ATE1: variants seen among roughly 807,000 people sequenced by gnomAD.
The protein encoded by ATE1 is arginyltransferase 1, also known as arginyl-tRNA--protein transferase 1.
ATE1 carries 36 observed loss-of-function variants against 70.5 expected under a neutral mutation model. The ratio of observed to expected loss-of-function variants is 0.51; its 90% CI spans 0.39 to 0.67. The LOEUF is 0.67. Ranked by LOEUF, ATE1 falls within the 30% of genes least tolerant of loss-of-function variation. The pLI, the probability that ATE1 is intolerant of heterozygous loss-of-function variation, is 0.00. For missense variants in ATE1, 593 were observed against 629.5 expected, an observed-to-expected ratio of 0.94 and a Z score of 0.62; for synonymous variants, 232 against 219.3, an observed-to-expected ratio of 1.06 and a Z score of -0.51.
At chr10:121,900,263 A>G (rs960055335) in intron 6 of ATE1, among the ~76,000 whole-genome samples, 2 of 152,210 alleles carry the variant, frequency 1.3e-5, no homozygotes, top group African/African-American at 4.8e-5. Flanking sequence ...TCTACTGTAA[A>G]CTGGCAGAGT....
At chr10:121,760,400 A>C (rs1944989858) in intron 11 of ATE1, among the ~76,000 whole-genome samples, 1 of 152,242 alleles carries the variant, frequency 6.6e-6, no homozygotes, top group Admixed American at 6.5e-5. Flanking sequence ...CATGGGAGGA[A>C]GTCAAACTAT....
intron 8 of ATE1, among the ~76,000 whole-genome samples, chr10:121,843,463 G>C (rs1029559479): frequency 1.3e-5 from 2 of 152,088 alleles, no homozygotes; most frequent in Admixed American, 6.5e-5. Flanking sequence ...AGAGACAAAA[G>C]TCTCAGACTA....
At chr10:121,877,146 T>C (rs903734073) in intron 7 of ATE1, among the ~76,000 whole-genome samples, 3 of 152,136 alleles carry the variant, frequency 2.0e-5, no homozygotes, top group East Asian at 1.9e-4. Flanking sequence ...TCAGAATCCT[T>C]TGCTCCTCTA....
intron 5 of ATE1, among the ~76,000 whole-genome samples, chr10:121,908,800 A>G (rs1296744189): frequency 6.6e-6 from 1 of 152,220 alleles, no homozygotes; most frequent in African/African-American, 2.4e-5. Flanking sequence ...CCACGGCAAA[A>G]AAATAGACAA....
At chr10:121,909,557 A>T (rs1314993538) in intron 5 of ATE1, among the ~76,000 whole-genome samples, 1 of 152,200 alleles carries the variant, frequency 6.6e-6, no homozygotes, top group Non-Finnish European at 1.5e-5. Flanking sequence ...TGGCTATGAC[A>T]TGAGTCAGTA....
At chr10:121,855,481 A>G (rs964045487) in intron 8 of ATE1, among the ~76,000 whole-genome samples, 2 of 152,222 alleles carry the variant, frequency 1.3e-5, no homozygotes, top group Non-Finnish European at 2.9e-5. Context: ...GAGATCTGAA[A>G]CGATGAGTTT....
intron 11 of ATE1, among the ~76,000 whole-genome samples, chr10:121,786,202 G>GTTTTTT (rs66781912): frequency 3.5e-5 from 3 of 84,518 alleles, no homozygotes; most frequent in East Asian, 9.5e-4. Context: ...GCTCAAGAAA[G>GTTTTTT]TTTTTTTTTT....
At chr10:121,859,154 A>G (rs1251208438) in intron 8 of ATE1, among the ~76,000 whole-genome samples, 2 of 152,196 alleles carry the variant, frequency 1.3e-5, no homozygotes, top group Non-Finnish European at 2.9e-5. Context: ...TTTGTGATTT[A>G]TATACTTTCT....
intron 10 of ATE1, among the ~76,000 whole-genome samples, chr10:121,834,061 C>T (rs1208109492): frequency 2.0e-5 from 3 of 152,190 alleles, no homozygotes; most frequent in Non-Finnish European, 4.4e-5. Flanking sequence ...CAACTAAAGG[C>T]TAGGCAGTGC....
At chr10:121,884,260 A>T (rs1950313219) in intron 7 of ATE1, among the ~76,000 whole-genome samples, 1 of 152,016 alleles carries the variant, frequency 6.6e-6, no homozygotes, top group Non-Finnish European at 1.5e-5. Context: ...ATGTTGTATG[A>T]TGGTATGATT....
intron 11 of ATE1, among the ~76,000 whole-genome samples, chr10:121,784,133 G>T (rs932075659): frequency 7.2e-5 from 11 of 152,344 alleles, no homozygotes; most frequent in African/African-American, 2.4e-4. Context: ...GTTGCTAAAT[G>T]GAAATCTTAA....
At chr10:121,924,181 C>A in intron 2 of ATE1, 85 bp downstream of exon 2, 1 of 1,331,754 alleles carries the variant, frequency 7.5e-7, no homozygotes, top group Admixed American at 1.9e-5. Flanking sequence ...AACCTCTTTC[C>A]AACAGGAAAG....
intron 10 of ATE1, among the ~76,000 whole-genome samples, chr10:121,806,197 A>G (rs1189528023): frequency 6.6e-6 from 1 of 152,208 alleles, no homozygotes; most frequent in Non-Finnish European, 1.5e-5. Flanking sequence ...ATGCCTGTAA[A>G]TCCTAGTATC....
chr10:121,858,749 C>T (rs1949354195), intron 8 of ATE1, among the ~76,000 whole-genome samples: 1 of 148,798 alleles, frequency 6.7e-6, no homozygotes, highest in Non-Finnish European at 1.5e-5. Flanking sequence ...TGGGGTCTGT[C>T]AACAAACATG....
chr10:121,802,594 C>G (rs1458973878), intron 10 of ATE1, among the ~76,000 whole-genome samples: 2 of 152,146 alleles, frequency 1.3e-5, no homozygotes, highest in Non-Finnish European at 2.9e-5. Flanking sequence ...CAGGCGTGAG[C>G]CACCGCACCT....
chr10:121,833,029 T>A (rs1948303965), intron 10 of ATE1, among the ~76,000 whole-genome samples: 2 of 152,008 alleles, frequency 1.3e-5, no homozygotes, highest in African/African-American at 2.4e-5. Flanking sequence ...CTAGGTAGAG[T>A]CTATACTGAA....
intron 10 of ATE1, among the ~76,000 whole-genome samples, chr10:121,811,177 TTAAAG>T (rs1420285405): frequency 1.3e-5 from 2 of 152,102 alleles, no homozygotes; most frequent in Non-Finnish European, 2.9e-5. Context: ...CAAATACAAA[TTAAAG>T]TATTCTGGAG....
At chr10:121,763,704 G>A (rs1945153333) in intron 11 of ATE1, among the ~76,000 whole-genome samples, 1 of 152,130 alleles carries the variant, frequency 6.6e-6, no homozygotes, top group African/African-American at 2.4e-5. Context: ...TCAAAACCCA[G>A]AGAACGGACA....
intron 6 of ATE1, among the ~76,000 whole-genome samples, chr10:121,900,303 TACAC>T (rs1056814672): frequency 5.9e-5 from 9 of 152,208 alleles, no homozygotes; most frequent in African/African-American, 1.9e-4. Flanking sequence ...ACACGACACA[TACAC>T]ACACAAATAA....
Sources: gnomAD v4.1 joint callset for allele counts (sites outside exome capture counted in the v4.1 genomes callset) on GRCh38, gnomAD v4.1.1 for gene constraint, MANE v1.5 for transcripts, NCBI Gene and HGNC (gene_info 2026-07-23, HGNC 2026-07-21) for gene names.